The following KANK1 variants were observed in gnomAD, a reference collection of about 807,000 sequenced individuals.
KANK1 encodes the protein KN motif and ankyrin repeat domains 1.
In KANK1, 109 loss-of-function variants were observed where a neutral mutation model predicts 106.2. That is an observed-to-expected ratio of 1.03 (90% confidence interval 0.88 to 1.20). The LOEUF (loss-of-function observed/expected upper bound fraction) is 1.20, where lower values mean the gene tolerates loss of function less well. Ranked by LOEUF, KANK1 falls within the 50% of genes most tolerant of loss-of-function variation. The pLI is 0.00. For synonymous variants in KANK1, 873 were observed against 652.2 expected, an observed-to-expected ratio of 1.34 and a Z score of -5.16; for missense variants, 2,399 against 1,710.7, an observed-to-expected ratio of 1.40 and a Z score of -7.10.
chr9:664,722 C>A (rs192747337), intron 1 of KANK1, among the ~76,000 whole-genome samples: 1 of 152,214 alleles, frequency 6.6e-6, no homozygotes, highest in East Asian at 1.9e-4. Flanking sequence ...ATATAGTATT[C>A]TACTTTTACA....
intron 3 of KANK1, among the ~76,000 whole-genome samples, chr9:487,029 C>T (rs2058305126): frequency 6.6e-6 from 1 of 152,068 alleles, no homozygotes; most frequent in South Asian, 2.1e-4. Flanking sequence ...AGCCAACTGA[C>T]AAGAAAGTAA....
At position 697,377 on chromosome 9, in the gene KANK1, T is replaced by G. The variant is rs796618339; in HGVS notation, c.38-13427T>G. Among the ~76,000 whole-genome samples, 36 of 152,264 alleles carry G rather than the reference T, an allele frequency of 2.4e-4. 2 individuals carry two copies. The highest frequency in any genetic ancestry group is 8.2e-4 in the African/African-American group (34 of 41,524). ...CTTTCTCATCATAGAGTCACCATTT[T>G]TTTTTATGATTGACATTTCATGCCA... On this transcript the variant is annotated intron_variant, in intron 2 of 11. Transcript: ENST00000382297.
intron 1 of KANK1, among the ~76,000 whole-genome samples, chr9:566,906 C>G (rs775946130): frequency 6.6e-6 from 1 of 152,102 alleles, no homozygotes; most frequent in African/African-American, 2.4e-5. Flanking sequence ...TTTTGACATT[C>G]TCGTCACGAA....
chr9:744,477 CATCTT>C lies in KANK1; in HGVS notation c.3898-7_3898-3del, dbSNP rs760085270. The C allele has an allele frequency of 2.3e-4, 362 of 1,608,114 alleles. No homozygotes were observed. Among genetic ancestry groups the C allele is most frequent in the Middle Eastern group, 1.0e-3 (6 of 6,026 alleles). The stretch of plus-strand genomic sequence containing the variant: ...GAAACCCAACATGGCTTGTTCTTTC[CATCTT>C]ATCTTAAGGATGGCAGCACTGCGCT... On this transcript the variant is annotated splice_polypyrimidine_tract_variant and intron_variant, in intron 10 of 11. Coordinates refer to ENST00000382297, the MANE Select transcript of KANK1 (RefSeq NM_015158.5).
In KANK1 at chr9:738,487, A is replaced by G. The variant is rs747979474; in HGVS notation, c.3536A>G (p.Lys1179Arg). 1 of 1,613,994 alleles carries G rather than the reference A, an allele frequency of 6.2e-7. No individual in the cohort carries two copies. The highest frequency in any genetic ancestry group is 1.7e-5 in the Admixed American group (1 of 60,012). Residue 1179 changes from lysine to arginine, a missense_variant, in exon 8 of 12, where the codon AAG (lysine) becomes AGG (arginine). By Grantham distance (26) the Lys-to-Arg change is conservative. Coordinates refer to ENST00000382297, the MANE Select transcript of KANK1 (RefSeq NM_015158.5). ...TCCCACTCCAACTTCGAGATTGTGA[A>G]GCTGCTGTTAGATGCCGGTATGTTG... The part of the protein sequence containing the change: ...SVSHSNFEIV[K>R]LLLDADVCNV...
At chr9:607,338 T>C (rs1423502864) in intron 1 of KANK1, among the ~76,000 whole-genome samples, 1 of 151,424 alleles carries the variant, frequency 6.6e-6, no homozygotes, top group South Asian at 2.1e-4. Context: ...ATACAAAAAT[T>C]AGCTGGTGTG....
intron 1 of KANK1, among the ~76,000 whole-genome samples, chr9:588,538 A>C (rs928172743): frequency 6.6e-6 from 1 of 152,132 alleles, no homozygotes; most frequent in African/African-American, 2.4e-5. Flanking sequence ...ATATTGAAGT[A>C]CCTGGTAACT....
chr9:526,494 C>G (rs1402612707), intron 1 of KANK1, among the ~76,000 whole-genome samples: 1 of 151,668 alleles, frequency 6.6e-6, no homozygotes, highest in Non-Finnish European at 1.5e-5. Flanking sequence ...TGGAGGATTG[C>G]TTGAGGCCAT....
chr9:484,802 A>G (rs921167590), intron 3 of KANK1, among the ~76,000 whole-genome samples: 1 of 152,214 alleles, frequency 6.6e-6, no homozygotes, highest in Admixed American at 6.5e-5. Context: ...GGCAGCACCC[A>G]GGCAGAGAGA....
intron 1 of KANK1, among the ~76,000 whole-genome samples, chr9:557,119 C>T (rs3947468): frequency 0.073 from 10,929 of 150,558 alleles, 1,082 homozygotes; most frequent in East Asian, 0.22. Context: ...AGAGGTTGAG[C>T]CTGCAGTGAG....
rs548405553 is a variant in KANK1 at position 712,522 on chromosome 9, G to A, written c.1756G>A (p.Val586Met). The A allele has an allele frequency of 6.2e-7, 1 of 1,614,216 alleles. No homozygotes were observed. Among genetic ancestry groups the A allele is most frequent in the African/African-American group, 1.3e-5 (1 of 75,054 alleles). Residue 586 changes from valine to methionine, a missense_variant, in exon 3 of 12, where the codon GTG becomes ATG. By Grantham distance (21) the Val-to-Met change is conservative. Transcript: ENST00000382297. ...EMHDRCAGRSVEMCDKSVSVE... is the reference protein window; with the variant it reads ...EMHDRCAGRSMEMCDKSVSVE... ...GCATGACCGATGTGCTGGGAGGTCT[G>A]TGGAAATGTGTGACAAGAGTGTGAG...
At chr9:576,857 C>T in intron 1 of KANK1, among the ~76,000 whole-genome samples, 1 of 152,108 alleles carries the variant, frequency 6.6e-6, no homozygotes, top group African/African-American at 2.4e-5. Flanking sequence ...TAACAGAAAG[C>T]TTGTATTGTG....
chr9:679,437 T>C (rs963863809), intron 2 of KANK1, among the ~76,000 whole-genome samples: 1 of 152,140 alleles, frequency 6.6e-6, no homozygotes, highest in Non-Finnish European at 1.5e-5. Flanking sequence ...TTTTTTGAGA[T>C]GGAGTCTTGC....
At chr9:574,173 C>T (rs1819932703) in intron 1 of KANK1, among the ~76,000 whole-genome samples, 2 of 152,342 alleles carry the variant, frequency 1.3e-5, no homozygotes, top group African/African-American at 4.8e-5. Context: ...CGCACCCACT[C>T]TTCCCTTAGG....
intron 3 of KANK1, among the ~76,000 whole-genome samples, chr9:498,479 C>T (rs964545444): frequency 5.3e-5 from 8 of 152,112 alleles, no homozygotes; most frequent in African/African-American, 1.9e-4. Context: ...TAGGATAGTC[C>T]TCCTTGTGAC....
chr9:633,602 C>T (rs1454674762), intron 1 of KANK1, among the ~76,000 whole-genome samples: 1 of 152,166 alleles, frequency 6.6e-6, no homozygotes, highest in Non-Finnish European at 1.5e-5. Context: ...GGCATATGAG[C>T]TCTCAATAAT....
chr9:712,853 C>T lies in KANK1; in HGVS notation c.2087C>T (p.Thr696Ile), dbSNP rs746140169. The T allele has an allele frequency of 6.2e-7, 1 of 1,613,784 alleles. No individual in the cohort carries two copies. Among genetic ancestry groups the T allele is most frequent in the Non-Finnish European group, 8.5e-7 (1 of 1,179,968 alleles). The change falls in exon 3 of 12, where the codon ACC (threonine) becomes ATC (isoleucine). Residue 696 changes from threonine to isoleucine, a missense_variant. By Grantham distance (89) the Thr-to-Ile change is moderately conservative. Transcript: ENST00000382297. ...TETATLIESC[T>I]NTCLSTLDKQ... is the part of the protein sequence containing the mutation. ...ACGGCCACCCTCATAGAGTCCTGCA[C>T]CAACACTTGTCTAAGCACTTTGGAC... is the stretch of plus-strand genomic sequence containing the variant.
chr9:518,380 T>C (rs2133120867), intron 1 of KANK1, among the ~76,000 whole-genome samples: 1 of 151,594 alleles, frequency 6.6e-6, no homozygotes, highest in East Asian at 1.9e-4. Flanking sequence ...CCTCCCCTTC[T>C]CCCTCCTTGA....
At chr9:635,855 T>C (rs1563903417) in intron 1 of KANK1, among the ~76,000 whole-genome samples, 1 of 151,870 alleles carries the variant, frequency 6.6e-6, no homozygotes, top group African/African-American at 2.4e-5. Flanking sequence ...CACACCACTT[T>C]AGTAGAGACA....
Sources: gnomAD v4.1 joint callset for allele counts (sites outside exome capture counted in the v4.1 genomes callset) on GRCh38, gnomAD v4.1.1 for gene constraint, MANE v1.5 for transcripts, NCBI Gene and HGNC (gene_info 2026-07-23, HGNC 2026-07-21) for gene names.